Variants in LRAT observed in about 807,000 individuals in gnomAD.
The protein encoded by LRAT is lecithin retinol acyltransferase, also known as lecithin retinol acyltransferase (phosphatidylcholine--retinol O-acyltransferase).
LRAT carries 11 observed loss-of-function variants against 14.2 expected under a neutral mutation model. The ratio of observed to expected loss-of-function variants is 0.78; its 90% CI spans 0.49 to 1.29. LRAT has a LOEUF of 1.29. LRAT is among the 50% of genes most tolerant of loss of function. The pLI, the probability that LRAT is intolerant of heterozygous loss-of-function variation, is 0.00. For synonymous variants in LRAT, 144 were observed against 124.8 expected, an observed-to-expected ratio of 1.15 and a Z score of -1.03; for missense variants, 274 against 292.4, an observed-to-expected ratio of 0.94 and a Z score of 0.46.
upstream of LRAT, among the ~76,000 whole-genome samples, chr4:154,741,710 C>A (rs1336598212): frequency 2.0e-5 from 3 of 152,180 alleles, no homozygotes; most frequent in African/African-American, 7.2e-5. Context: ...GCACTGCTTG[C>A]GTCTTCCAAA....
At chr4:154,744,900 C>T in intron 2 of LRAT, 34 bp downstream of exon 2, 2 of 1,605,734 alleles carry the variant, frequency 1.2e-6, no homozygotes, top group Non-Finnish European at 1.7e-6. Context: ...AAGTGGGCTC[C>T]GCGGAGATGC....
rs958195307 is a variant in LRAT at position 154,750,767 on chromosome 4, C to A, written c.*1631C>A. On this transcript the variant is annotated 3_prime_UTR_variant, in exon 3 of 3. Coordinates refer to ENST00000336356, the MANE Select transcript of LRAT (RefSeq NM_004744.5). Reference sequence around the variant, plus strand: ...TTAAGTATGCATACATAAAAGCAACCACTATGAGAACTACCGTGTTAGTGG... The same window carrying A: ...TTAAGTATGCATACATAAAAGCAACAACTATGAGAACTACCGTGTTAGTGG... The A allele has an allele frequency of 6.6e-6, 1 of 152,066 alleles. No homozygotes were observed. The highest frequency in any genetic ancestry group is 2.4e-5 in the African/African-American group (1 of 41,410). The allele number at this position is 152,066 out of a possible 1,614,324, so 9.4% of individuals were successfully genotyped here.
rs1172553458 is a variant in LRAT, at chr4:154,744,371, G to A, written c.45G>A (p.Lys15=). ...MLEVVSLLLE[K]LLLISNFTLF... is the part of the protein sequence containing the mutation. Reference sequence around the variant, plus strand: ...AGGTGGTGTCTTTACTACTGGAGAAGCTGCTCCTCATCTCCAACTTCACGC... The same window carrying A: ...AGGTGGTGTCTTTACTACTGGAGAAACTGCTCCTCATCTCCAACTTCACGC... Residue 15 remains lysine (K), a synonymous_variant, in exon 2 of 3, where the codon AAG becomes AAA. Coordinates refer to ENST00000336356, the MANE Select transcript of LRAT (RefSeq NM_004744.5). 1.2e-6 allele frequency: 2 copies of A among 1,614,058 alleles called. No homozygotes were observed. Among genetic ancestry groups the A allele is most frequent in the East Asian group, 2.2e-5 (1 of 44,870 alleles).
chr4:154,742,245 G>C (rs1732782366), upstream of LRAT, among the ~76,000 whole-genome samples: 2 of 152,070 alleles, frequency 1.3e-5, no homozygotes, highest in African/African-American at 4.8e-5. Context: ...AAATCTCCAC[G>C]TCCACTGGCT....
Position 154,744,624 on chromosome 4 carries a change from G to A in LRAT, c.298G>A (p.Gly100Ser), listed in dbSNP as rs1035206645. 1 of 1,614,158 alleles carries A rather than the reference G, an allele frequency of 6.2e-7. No individual in the cohort carries two copies. The highest frequency in any genetic ancestry group is 8.5e-7 in the Non-Finnish European group (1 of 1,180,026). Residue 100 changes from glycine to serine, a missense_variant, in exon 2 of 3, where the codon GGC becomes AGC. Coordinates refer to ENST00000336356, the MANE Select transcript of LRAT (RefSeq NM_004744.5). Reference protein sequence around the residue: ...KVVSNKRLILGVIVKVASIRV... With the variant: ...KVVSNKRLILSVIVKVASIRV... ...GGTCTCCAACAAGCGTCTCATCCTG[G>A]GCGTTATTGTCAAAGTGGCCAGCAT...
chr4:154,744,571 C>G lies in LRAT; in HGVS notation c.245C>G (p.Thr82Arg). ...ATGCCCGACATCCTGTTGGCCCTGACAGACGACATGGGGCGCACGCAGAAG... is the reference window on the plus strand; with the variant it reads ...ATGCCCGACATCCTGTTGGCCCTGAGAGACGACATGGGGCGCACGCAGAAG... Reference protein sequence around the residue: ...HMMPDILLALTDDMGRTQKVV... With the variant: ...HMMPDILLALRDDMGRTQKVV... The change falls in exon 2 of 3, where the codon ACA (threonine) becomes AGA (arginine). Residue 82 changes from threonine (T) to arginine (R), a missense_variant. Physicochemically the swap from Thr to Arg is moderately conservative, Grantham distance 71. Coordinates refer to ENST00000336356, the MANE Select transcript of LRAT (RefSeq NM_004744.5). 1.2e-6 allele frequency: 2 copies of G among 1,614,168 alleles called. No individual in the cohort carries two copies. Among genetic ancestry groups the G allele is most frequent in the Non-Finnish European group, 1.7e-6 (2 of 1,180,030 alleles).
upstream of LRAT, among the ~76,000 whole-genome samples, chr4:154,743,226 C>T (rs891370993): frequency 2.6e-5 from 4 of 151,662 alleles, no homozygotes; most frequent in African/African-American, 4.8e-5. Context: ...TGGCTCACGC[C>T]TGTAATCCCA....
At chr4:154,742,576 T>G (rs896247289), upstream of LRAT, among the ~76,000 whole-genome samples, 1 of 152,240 alleles carries the variant, frequency 6.6e-6, no homozygotes. Flanking sequence ...TAGCGCCGAC[T>G]GGGCAGCTTT....
Position 154,744,531 on chromosome 4 carries a change from C to G in LRAT, c.205C>G (p.Arg69Gly). The G allele has an allele frequency of 6.2e-7, 1 of 1,614,150 alleles. No individual in the cohort carries two copies. The highest frequency in any genetic ancestry group is 8.5e-7 in the Non-Finnish European group (1 of 1,180,018). ...THYGIYLGDN[R>G]VAHMMPDILL... ...CTATGGCATCTACCTAGGAGACAAC[C>G]GTGTTGCCCACATGATGCCCGACAT... The change falls in exon 2 of 3, where the codon CGT becomes GGT. Residue 69 changes from arginine (R) to glycine (G), a missense_variant. By Grantham distance (125) the Arg-to-Gly change is moderately radical. Transcript: ENST00000336356.
upstream of LRAT, among the ~76,000 whole-genome samples, chr4:154,743,419 G>A (rs544577165): frequency 6.6e-6 from 1 of 152,178 alleles, no homozygotes; most frequent in South Asian, 2.1e-4. Flanking sequence ...GCTTGAACCT[G>A]GGAGGCGGAG....
At chr4:154,746,497 G>A (rs1396170183) in intron 2 of LRAT, among the ~76,000 whole-genome samples, 2 of 152,102 alleles carry the variant, frequency 1.3e-5, no homozygotes, top group Non-Finnish European at 2.9e-5. Context: ...ACTGTGCAGC[G>A]ATTCAAGAAT....
upstream of LRAT, among the ~76,000 whole-genome samples, chr4:154,743,578 C>T (rs967257047): frequency 2.0e-5 from 3 of 152,140 alleles, no homozygotes; most frequent in Non-Finnish European, 4.4e-5. Flanking sequence ...AAAGTAAATG[C>T]AATCTCTTTA....
upstream of LRAT, among the ~76,000 whole-genome samples, chr4:154,742,943 A>T (rs1490601024): frequency 6.6e-6 from 1 of 152,186 alleles, no homozygotes; most frequent in Non-Finnish European, 1.5e-5. Context: ...GTGACCCTGA[A>T]GCCGGAGAAA....
chr4:154,745,673 C>T (rs1475465901), intron 2 of LRAT: 1 of 152,174 alleles, frequency 6.6e-6, no homozygotes, highest in African/African-American at 2.4e-5. Context: ...AAGTGTGTGC[C>T]TTTAAAATAA....
At chr4:154,744,950 G>A (rs1203706423) in intron 2 of LRAT, 84 bp downstream of exon 2, 25 of 1,359,768 alleles carry the variant, frequency 1.8e-5, no homozygotes, top group Non-Finnish European at 2.6e-5. Flanking sequence ...CCGCGAGTAG[G>A]GATCTAATTC....
intron 2 of LRAT, 129 bp from the exon 3 acceptor site, chr4:154,748,855 A>G: frequency 1.2e-6 from 1 of 854,274 alleles, no homozygotes; most frequent in Non-Finnish European, 1.9e-6. Context: ...TTTTTTTGTA[A>G]GTCATAAGAA....
chr4:154,751,895 T>A lies in LRAT; in HGVS notation c.*2759T>A, dbSNP rs1338733221. 6.6e-6 allele frequency: 1 copy of A among 152,134 alleles called. No individual in the cohort carries two copies. The highest frequency in any genetic ancestry group is 1.5e-5 in the Non-Finnish European group (1 of 68,026). 9.4% of individuals were successfully genotyped at this position (152,134 alleles called of 1,614,324 possible). A position where few individuals can be genotyped will look rare whatever the true frequency, so the allele number is the denominator to read the frequency against. On this transcript the variant is annotated 3_prime_UTR_variant, in exon 3 of 3. Transcript: ENST00000336356. ...TATATTTATGTATTTCTATTCTGAT[T>A]TCTGAAATGATAACCTAGTAGTGTC...
In LRAT at chr4:154,744,582, G is replaced by A; in HGVS notation, c.256G>A (p.Gly86Arg). Reference protein sequence around the residue: ...DILLALTDDMGRTQKVVSNKR... With the variant: ...DILLALTDDMRRTQKVVSNKR... Reference sequence around the variant, plus strand: ...CCTGTTGGCCCTGACAGACGACATGGGGCGCACGCAGAAGGTGGTCTCCAA... The same window carrying A: ...CCTGTTGGCCCTGACAGACGACATGAGGCGCACGCAGAAGGTGGTCTCCAA... Residue 86 changes from glycine to arginine, a missense_variant, in exon 2 of 3, where the codon GGG (glycine) becomes AGG (arginine). Coordinates refer to ENST00000336356, the MANE Select transcript of LRAT (RefSeq NM_004744.5). 6.2e-7 allele frequency: 1 copy of A among 1,614,144 alleles called. No homozygotes were observed. Among genetic ancestry groups the A allele is most frequent in the Non-Finnish European group, 8.5e-7 (1 of 1,180,036 alleles).
At chr4:154,745,165 C>T (rs1328704691) in intron 2 of LRAT, among the ~76,000 whole-genome samples, 2 of 151,598 alleles carry the variant, frequency 1.3e-5, no homozygotes, top group African/African-American at 4.8e-5. Context: ...ACTACAGGCA[C>T]CCGCCACCAC....
Sources: allele counts gnomAD v4.1 joint callset (sites outside exome capture counted in the v4.1 genomes callset), GRCh38; gene constraint gnomAD v4.1.1; transcripts MANE v1.5; gene names NCBI Gene and HGNC (gene_info 2026-07-23, HGNC 2026-07-21).